The following STXBP4 variants were observed in gnomAD, a reference collection of about 807,000 sequenced individuals.
The protein encoded by STXBP4 is syntaxin binding protein 4, also known as syntaxin-binding protein 4.
In STXBP4, 55 loss-of-function variants were observed where a neutral mutation model predicts 76.1. That is an observed-to-expected ratio of 0.72 (90% confidence interval 0.58 to 0.91). The LOEUF (loss-of-function observed/expected upper bound fraction) is 0.91, where lower values mean the gene tolerates loss of function less well. Among genes scored for constraint, STXBP4 ranks in the 40% least tolerant of loss-of-function variants. The probability of loss-of-function intolerance (pLI) is 0.00; values close to 1 mark genes in which losing one functional copy is unlikely to be tolerated. For synonymous variants in STXBP4, 201 were observed against 220.2 expected (o/e 0.91, Z 0.77); for missense variants, 618 against 636.9 (o/e 0.97, Z 0.32).
Position 55,169,918 on chromosome 17 carries a change from CT to C in STXBP4, c.*10008del, listed in dbSNP as rs2145213902. Reference sequence around the variant, plus strand: ...AATGCAAACTCCCTCATGTACCTTGCTCCTTGCCAATTTCAAACAAACCTTC... The same window carrying C: ...AATGCAAACTCCCTCATGTACCTTGCCCTTGCCAATTTCAAACAAACCTTC... On this transcript the variant is annotated 3_prime_UTR_variant, in exon 18 of 18. Coordinates refer to ENST00000376352, the MANE Select transcript of STXBP4 (RefSeq NM_178509.6). 6.6e-6 allele frequency: 1 copy of C among 152,300 alleles called. No individual in the cohort carries two copies. The highest frequency in any genetic ancestry group is 1.5e-5 in the Non-Finnish European group (1 of 68,026). 9.4% of individuals were successfully genotyped at this position (152,300 alleles called of 1,614,324 possible). A position where few individuals can be genotyped will look rare whatever the true frequency, so the allele number is the denominator to read the frequency against.
chr17:55,032,560 G>T (rs2078527722), intron 9 of STXBP4, among the ~76,000 whole-genome samples: 1 of 152,130 alleles, frequency 6.6e-6, no homozygotes, highest in African/African-American at 2.4e-5. Context: ...ATTAAAACAG[G>T]ATTGTTGGAA....
chr17:55,007,521 G>T lies in STXBP4; in HGVS notation c.590G>T (p.Trp197Leu). The T allele has an allele frequency of 2.5e-6, 4 of 1,610,654 alleles. No individual in the cohort carries two copies. The highest frequency in any genetic ancestry group is 3.4e-6 in the Non-Finnish European group (4 of 1,178,922). Residue 197 changes from tryptophan to leucine, a missense_variant, in exon 8 of 18, where the codon TGG becomes TTG. By Grantham distance (61) the Trp-to-Leu change is moderately conservative. Transcript: ENST00000376352. ...TGTCTCTTAGATGTTGCTTCTGCCT[G>T]GACTGAAAATTATGGGCTACAAGAA... ...GLSNTDVASAWTENYGLQEKI... is the reference protein window; with the variant it reads ...GLSNTDVASALTENYGLQEKI...
chr17:55,020,329 T>G (rs2144621680), intron 8 of STXBP4, among the ~76,000 whole-genome samples: 1 of 152,350 alleles, frequency 6.6e-6, no homozygotes, highest in East Asian at 1.9e-4. Flanking sequence ...ATTGTCTACC[T>G]AGTATTGTTA....
intron 1 of STXBP4, among the ~76,000 whole-genome samples, chr17:54,981,477 G>A (rs1339281175): frequency 1.3e-5 from 2 of 152,070 alleles, no homozygotes; most frequent in African/African-American, 2.4e-5. Context: ...TCAAAATGGT[G>A]GGGAAAAGAT....
At chr17:55,122,639 A>C (rs2079859411) in intron 16 of STXBP4, among the ~76,000 whole-genome samples, 1 of 152,218 alleles carries the variant, frequency 6.6e-6, no homozygotes, top group African/African-American at 2.4e-5. Context: ...TTTTATAATT[A>C]ATAGAAAGCA....
Position 55,164,233 on chromosome 17 carries a change from T to G in STXBP4, c.*4322T>G, listed in dbSNP as rs2080362180. The G allele has an allele frequency of 6.6e-6, 1 of 152,236 alleles. No individual in the cohort carries two copies. 9.4% of individuals were successfully genotyped at this position (152,236 alleles called of 1,614,324 possible). On this transcript the variant is annotated 3_prime_UTR_variant, in exon 18 of 18. Coordinates refer to ENST00000376352, the MANE Select transcript of STXBP4 (RefSeq NM_178509.6). ...GTCTGCATAATGACTTTGTAAATAT[T>G]AACTGCAATTCTGTATTTGCTTTCT...
At chr17:55,121,802 T>G (rs890208510) in intron 16 of STXBP4, among the ~76,000 whole-genome samples, 1 of 151,958 alleles carries the variant, frequency 6.6e-6, no homozygotes, top group Non-Finnish European at 1.5e-5. Context: ...AAACTTTTAA[T>G]TAATGGATAA....
intron 12 of STXBP4, among the ~76,000 whole-genome samples, chr17:55,062,894 T>C (rs1027725290): frequency 6.6e-6 from 1 of 152,240 alleles, no homozygotes; most frequent in Non-Finnish European, 1.5e-5. Flanking sequence ...GGAAAAGGCT[T>C]TTTTAAAAGA....
At chr17:54,993,777 G>A (rs2077756298) in intron 4 of STXBP4, among the ~76,000 whole-genome samples, 1 of 152,150 alleles carries the variant, frequency 6.6e-6, no homozygotes, top group East Asian at 1.9e-4. Flanking sequence ...AAATGCATAT[G>A]AATGCTTTAA....
chr17:55,011,613 A>G (rs1166583135), intron 8 of STXBP4, among the ~76,000 whole-genome samples: 1 of 145,674 alleles, frequency 6.9e-6, no homozygotes, highest in African/African-American at 2.6e-5. Flanking sequence ...ATGAGTTTAT[A>G]TCCCGATCAT....
At chr17:55,099,117 T>C (rs2079532423) in intron 16 of STXBP4, among the ~76,000 whole-genome samples, 1 of 152,200 alleles carries the variant, frequency 6.6e-6, no homozygotes, top group Admixed American at 6.6e-5. Context: ...TGGTCATCTA[T>C]AGTGTTAGTA....
intron 12 of STXBP4, among the ~76,000 whole-genome samples, chr17:55,067,551 G>GT (rs760540649): frequency 2.6e-5 from 4 of 152,168 alleles, no homozygotes; most frequent in Non-Finnish European, 5.9e-5. Context: ...ACTAAAGCTA[G>GT]TAAGTAGGTT....
chr17:55,193,274 G>A, the STXBP4 span, among the ~76,000 whole-genome samples: 84 of 152,248 alleles, frequency 5.5e-4, 1 homozygote, highest in East Asian at 0.015. Flanking sequence ...GTAAAGGAGA[G>A]CTGAGACAAC....
chr17:54,982,594 T>TTGTG (rs61223151), intron 1 of STXBP4, among the ~76,000 whole-genome samples: 3,600 of 149,166 alleles, frequency 0.024, 47 homozygotes, highest in Middle Eastern at 0.049. Context: ...TGAGGGTGGT[T>TTGTG]TGTGTGTGTG....
intron 8 of STXBP4, among the ~76,000 whole-genome samples, chr17:55,014,704 A>G (rs145405350): frequency 0.014 from 2,203 of 152,238 alleles, 43 homozygotes; most frequent in African/African-American, 0.041. Context: ...GAGGACCTTC[A>G]TCCCCTGGGG....
At chr17:55,083,914 C>T (rs1241674221) in intron 16 of STXBP4, among the ~76,000 whole-genome samples, 1 of 152,054 alleles carries the variant, frequency 6.6e-6, no homozygotes, top group Non-Finnish European at 1.5e-5. Context: ...AGACTCCACC[C>T]GTGTATGGGA....
intron 10 of STXBP4, among the ~76,000 whole-genome samples, chr17:55,035,321 G>A (rs1450871909): frequency 2.6e-5 from 4 of 151,534 alleles, no homozygotes; most frequent in Non-Finnish European, 5.9e-5. Context: ...TCTTTTAAAT[G>A]TTACCAGTAG....
chr17:55,156,485 A>C (rs1378131549), intron 17 of STXBP4, among the ~76,000 whole-genome samples: 1 of 152,188 alleles, frequency 6.6e-6, no homozygotes, highest in Non-Finnish European at 1.5e-5. Flanking sequence ...TTCTTACAAT[A>C]ATCAGAAATC....
the STXBP4 span, among the ~76,000 whole-genome samples, chr17:55,208,577 A>AGAAGGAAGGAAGGAAGGGAGGAAGGAAG: frequency 1.1e-5 from 1 of 90,334 alleles, no homozygotes; most frequent in African/African-American, 4.6e-5. Flanking sequence ...GAGGGAGGGA[A>AGAAGGAAGGAAGGAAGGGAGGAAGGAAG]GAAGGAAGGA....
Sources: allele counts gnomAD v4.1 joint callset (sites outside exome capture counted in the v4.1 genomes callset), GRCh38; gene constraint gnomAD v4.1.1; transcripts MANE v1.5; gene names NCBI Gene and HGNC (gene_info 2026-07-23, HGNC 2026-07-21).